The following CNTLN variants were observed in gnomAD, a reference collection of about 807,000 sequenced individuals.
The protein encoded by CNTLN is centlein, centrosomal protein.
In CNTLN, 212 loss-of-function variants were observed where a neutral mutation model predicts 180.0. The observed-to-expected ratio is 1.18, with a 90% confidence interval of 1.05 to 1.32. CNTLN has a LOEUF of 1.32. CNTLN is among the 40% of genes most tolerant of loss of function. The pLI, the probability that CNTLN is intolerant of heterozygous loss-of-function variation, is 0.00. For missense variants in CNTLN, 2,095 were observed against 1,610.9 expected (o/e 1.30, Z -5.14); for synonymous variants, 722 against 563.1 (o/e 1.28, Z -3.99).
At chr9:17,430,335 A>T (rs1829343365) in intron 18 of CNTLN, among the ~76,000 whole-genome samples, 1 of 152,006 alleles carries the variant, frequency 6.6e-6, no homozygotes, top group Admixed American at 6.6e-5. Flanking sequence ...CATTAATATT[A>T]CCAAAATTAC....
chr9:17,297,556 C>T (rs940224470), intron 6 of CNTLN, among the ~76,000 whole-genome samples: 2 of 152,168 alleles, frequency 1.3e-5, no homozygotes, highest in African/African-American at 4.8e-5. Context: ...TTACCACCAC[C>T]AGTTCATTTG....
At chr9:17,291,256 G>A (rs189919146) in intron 6 of CNTLN, among the ~76,000 whole-genome samples, 7 of 152,284 alleles carry the variant, frequency 4.6e-5, no homozygotes, top group African/African-American at 1.7e-4. Flanking sequence ...TATGTGCTAT[G>A]TGTCGCCAAG....
intron 13 of CNTLN, among the ~76,000 whole-genome samples, chr9:17,383,214 A>G (rs1283307578): frequency 8.5e-5 from 13 of 152,166 alleles, no homozygotes; most frequent in Admixed American, 7.9e-4. Flanking sequence ...TGCTTCTGTT[A>G]TGCTTAAAGT....
chr9:17,438,575 T>C (rs888731041), intron 18 of CNTLN, among the ~76,000 whole-genome samples: 4 of 152,130 alleles, frequency 2.6e-5, no homozygotes, highest in African/African-American at 4.8e-5. Context: ...CATAAATGCA[T>C]ACTAGAACTT....
intron 5 of CNTLN, among the ~76,000 whole-genome samples, chr9:17,251,176 T>A (rs1826118218): frequency 6.6e-6 from 1 of 152,056 alleles, no homozygotes; most frequent in African/African-American, 2.4e-5. Flanking sequence ...TTGAAGATTG[T>A]CTCTTTTTTG....
intron 8 of CNTLN, among the ~76,000 whole-genome samples, chr9:17,328,720 A>T (rs1820459288): frequency 6.6e-6 from 1 of 152,112 alleles, no homozygotes; most frequent in African/African-American, 2.4e-5. Context: ...CCTCTGTTGG[A>T]TGAATTTTAA....
chr9:17,301,100 C>A, intron 7 of CNTLN: 1 of 985,352 alleles, frequency 1.0e-6, no homozygotes. Context: ...TGGTGTCATA[C>A]CAGTAATACT....
chr9:17,137,741 T>C (rs1363404689), intron 1 of CNTLN, among the ~76,000 whole-genome samples: 2 of 152,190 alleles, frequency 1.3e-5, no homozygotes, highest in African/African-American at 4.8e-5. Flanking sequence ...ACATTCAACT[T>C]ATGGGAATTC....
intron 2 of CNTLN, among the ~76,000 whole-genome samples, chr9:17,197,244 G>A (rs1425362445): frequency 1.3e-5 from 2 of 152,082 alleles, no homozygotes; most frequent in Non-Finnish European, 2.9e-5. Flanking sequence ...TCTAATTTAC[G>A]TGTTCACCAA....
Position 17,332,674 on chromosome 9 carries a change from A to G in CNTLN, c.1588A>G (p.Lys530Glu). ...TTTCACAGACTCAGAAGAGCTACAG[A>G]AGCTGAGAAAAGCTGAAAGAAAGAT... ...SSFTDSEELQKLRKAERKIEN... is the reference protein window; with the variant it reads ...SSFTDSEELQELRKAERKIEN... The change falls in exon 10 of 26, where the codon AAG (lysine) becomes GAG (glutamate). Residue 530 changes from lysine (K) to glutamate (E), a missense_variant. Lys to Glu is a moderately conservative substitution (Grantham distance 56). Transcript: ENST00000380647. The G allele has an allele frequency of 6.2e-7, 1 of 1,607,816 alleles. No individual in the cohort carries two copies. Among genetic ancestry groups the G allele is most frequent in the Non-Finnish European group, 8.5e-7 (1 of 1,177,598 alleles).
At chr9:17,466,950 C>G in intron 23 of CNTLN, 59 bp downstream of exon 23, 1 of 1,208,686 alleles carries the variant, frequency 8.3e-7, no homozygotes, top group Non-Finnish European at 1.2e-6. Context: ...AGGCAGTAGC[C>G]TACTTGAGAT....
intron 18 of CNTLN, among the ~76,000 whole-genome samples, chr9:17,423,484 T>G (rs978129717): frequency 6.6e-6 from 1 of 152,060 alleles, no homozygotes. Context: ...ATCAGGAGTC[T>G]CTCACTGAGC....
chr9:17,506,562 T>A (rs538956243), downstream of CNTLN, among the ~76,000 whole-genome samples: 1 of 152,270 alleles, frequency 6.6e-6, no homozygotes, highest in African/African-American at 2.4e-5. Context: ...ACGCTAGCCC[T>A]TACTCATCTA....
chr9:17,332,253 G>T (rs1194495720), intron 9 of CNTLN, among the ~76,000 whole-genome samples: 2 of 152,052 alleles, frequency 1.3e-5, no homozygotes, highest in African/African-American at 4.8e-5. Flanking sequence ...GTCCTATCAA[G>T]TGTAACCTTG....
intron 15 of CNTLN, among the ~76,000 whole-genome samples, chr9:17,400,657 T>C (rs1011095619): frequency 2.0e-5 from 3 of 152,200 alleles, no homozygotes; most frequent in Non-Finnish European, 4.4e-5. Context: ...AACATTAAAA[T>C]AGCACCTAAA....
chr9:17,380,352 C>T (rs180791733), intron 13 of CNTLN, among the ~76,000 whole-genome samples: 4 of 152,260 alleles, frequency 2.6e-5, no homozygotes, highest in East Asian at 3.9e-4. Flanking sequence ...AAGGAGGTTT[C>T]TCGAGAAACA....
chr9:17,157,966 C>T (rs1292658098), intron 2 of CNTLN, among the ~76,000 whole-genome samples: 1 of 152,104 alleles, frequency 6.6e-6, no homozygotes, highest in East Asian at 1.9e-4. Context: ...TTAAAACTAC[C>T]TTCAGGCTAT....
intron 25 of CNTLN, among the ~76,000 whole-genome samples, chr9:17,490,492 A>C (rs934387400): frequency 1.1e-4 from 16 of 152,134 alleles, no homozygotes; most frequent in African/African-American, 3.4e-4. Context: ...GCCAGGCATA[A>C]AATGTTACAT....
chr9:17,524,978 C>G, the CNTLN span, among the ~76,000 whole-genome samples: 10 of 152,260 alleles, frequency 6.6e-5, no homozygotes, highest in South Asian at 4.1e-4. Context: ...TCAGTTAAGA[C>G]CACTCTGTGA....
Sources: allele counts gnomAD v4.1 joint callset (sites outside exome capture counted in the v4.1 genomes callset), GRCh38; gene constraint gnomAD v4.1.1; transcripts MANE v1.5; gene names NCBI Gene and HGNC (gene_info 2026-07-23, HGNC 2026-07-21).